The following TENM4 variants were observed in gnomAD, a reference collection of about 807,000 sequenced individuals.
The protein encoded by TENM4 is teneurin-4.
Under a neutral mutation model 243.3 loss-of-function variants are expected in TENM4, and 82 were observed. The ratio of observed to expected loss-of-function variants is 0.34; its 90% CI spans 0.28 to 0.40. The LOEUF is 0.40. Ranked by LOEUF, TENM4 falls within the 10% of genes least tolerant of loss-of-function variation. The probability of loss-of-function intolerance (pLI) is 1.00; values close to 1 mark genes in which losing one functional copy is unlikely to be tolerated. For synonymous variants in TENM4, 1,412 were observed against 1,456.3 expected (o/e 0.97, Z 0.69); for missense variants, 3,138 against 3,673.3 (o/e 0.85, Z 3.77).
At chr11:78,800,384 G>T (rs545737218) in intron 15 of TENM4, among the ~76,000 whole-genome samples, 1 of 152,130 alleles carries the variant, frequency 6.6e-6, no homozygotes, top group Non-Finnish European at 1.5e-5. Context: ...CTGGCACTGC[G>T]CATGAAACTA....
intron 6 of TENM4, among the ~76,000 whole-genome samples, chr11:79,007,892 T>A (rs1858534336): frequency 6.6e-6 from 1 of 152,178 alleles, no homozygotes; most frequent in South Asian, 2.1e-4. Context: ...AGTTCTGCCC[T>A]GGATCCCTGT....
intron 6 of TENM4, among the ~76,000 whole-genome samples, chr11:78,910,948 C>T (rs1856171233): frequency 6.6e-6 from 1 of 152,206 alleles, no homozygotes; most frequent in South Asian, 2.1e-4. Flanking sequence ...TCCCTGGCTC[C>T]CCTTCCAGTA....
intron 4 of TENM4, among the ~76,000 whole-genome samples, chr11:79,073,742 G>A (rs1440016832): frequency 6.6e-6 from 1 of 152,072 alleles, no homozygotes; most frequent in South Asian, 2.1e-4. Context: ...AACCTCTTAG[G>A]GTTGTTTTGA....
At chr11:79,125,973 G>A (rs1382246448) in intron 4 of TENM4, among the ~76,000 whole-genome samples, 4 of 152,138 alleles carry the variant, frequency 2.6e-5, no homozygotes, top group African/African-American at 7.2e-5. Context: ...GCATGGGAAC[G>A]GATATTAAGG....
intron 4 of TENM4, among the ~76,000 whole-genome samples, chr11:79,133,506 G>A (rs1862050959): frequency 6.6e-6 from 1 of 152,036 alleles, no homozygotes; most frequent in Non-Finnish European, 1.5e-5. Flanking sequence ...ATTCTATGAA[G>A]CCAGCACCAC....
chr11:79,343,075 C>G (rs148659500), intron 1 of TENM4, among the ~76,000 whole-genome samples: 144 of 152,348 alleles, frequency 9.5e-4, no homozygotes, highest in African/African-American at 3.2e-3. Flanking sequence ...GCAGCTCACC[C>G]TGAGCATCAG....
At chr11:78,767,956 C>G (rs532375040) in intron 18 of TENM4, among the ~76,000 whole-genome samples, 1 of 152,340 alleles carries the variant, frequency 6.6e-6, no homozygotes, top group African/African-American at 2.4e-5. Context: ...TTGTAGATAG[C>G]ATGAGCCCTA....
At chr11:78,862,258 T>G (rs1410100195) in intron 10 of TENM4, among the ~76,000 whole-genome samples, 2 of 152,172 alleles carry the variant, frequency 1.3e-5, no homozygotes, top group African/African-American at 4.8e-5. Flanking sequence ...TACCATTTAC[T>G]GGCTGTGTGA....
chr11:79,151,610 G>C (rs1021546219), intron 3 of TENM4, among the ~76,000 whole-genome samples: 1 of 152,056 alleles, frequency 6.6e-6, no homozygotes, highest in Non-Finnish European at 1.5e-5. Flanking sequence ...TACTAAACTA[G>C]ATCTGTCCAA....
At chr11:78,705,636 T>C (rs899557976) in intron 27 of TENM4, among the ~76,000 whole-genome samples, 1 of 152,204 alleles carries the variant, frequency 6.6e-6, no homozygotes, top group African/African-American at 2.4e-5. Flanking sequence ...TGTGCCTTTA[T>C]TAAAGCACTT....
At chr11:78,740,657 T>C (rs534234048) in intron 19 of TENM4, among the ~76,000 whole-genome samples, 1 of 152,336 alleles carries the variant, frequency 6.6e-6, no homozygotes, top group African/African-American at 2.4e-5. Context: ...TTCCAGAGAA[T>C]TACTGACAGA....
chr11:78,892,615 T>C (rs1054731356), intron 7 of TENM4, among the ~76,000 whole-genome samples: 5 of 152,242 alleles, frequency 3.3e-5, no homozygotes, highest in Non-Finnish European at 4.4e-5. Flanking sequence ...TATTAAGGGC[T>C]ATACAAATAT....
At position 78,903,618 on chromosome 11, in the gene TENM4, G is replaced by C. The variant is rs1023423900; in HGVS notation, c.494-95C>G. 5.9e-6 allele frequency: 9 copies of C among 1,516,154 alleles called. No homozygotes were observed. In the African/African-American group the frequency reaches 1.1e-4, roughly 19 times the overall value. 93.9% of individuals were successfully genotyped at this position (1,516,154 alleles called of 1,614,324 possible). On this transcript the variant is annotated intron_variant, in intron 6 of 33. Coordinates refer to ENST00000278550, the MANE Select transcript of TENM4 (RefSeq NM_001098816.3). ...GAGGTCTGAGCAAGACCACAGAAGA[G>C]GGAGCCGGCAGATTATACATATTGA...
intron 2 of TENM4, among the ~76,000 whole-genome samples, chr11:79,228,209 G>A (rs532947306): frequency 2.0e-5 from 3 of 152,266 alleles, no homozygotes; most frequent in South Asian, 2.1e-4. Flanking sequence ...CAGGCCCCTC[G>A]GGTGGTGGGC....
At chr11:78,708,955 C>G (rs1318968702) in intron 26 of TENM4, among the ~76,000 whole-genome samples, 2 of 121,122 alleles carry the variant, frequency 1.7e-5, no homozygotes, top group Admixed American at 1.7e-4. Context: ...TTTTTCTTTT[C>G]TTTCTTTTTC....
intron 1 of TENM4, among the ~76,000 whole-genome samples, chr11:79,380,932 G>C (rs1483747807): frequency 6.6e-6 from 1 of 152,062 alleles, no homozygotes. Context: ...TCTCAATCTT[G>C]GTTTCTCAAC....
At chr11:78,932,543 C>T (rs990610455) in intron 6 of TENM4, among the ~76,000 whole-genome samples, 6 of 152,184 alleles carry the variant, frequency 3.9e-5, no homozygotes, top group African/African-American at 1.4e-4. Flanking sequence ...AAAGGAAGCA[C>T]TAACACTGAT....
At position 78,964,056 on chromosome 11, in the gene TENM4, TTC is replaced by T. The variant is rs200399744; in HGVS notation, c.494-60535_494-60534del. Among the ~76,000 whole-genome samples the T allele has an allele frequency of 2.9e-3, 409 of 139,728 alleles. 4 individuals are homozygous for T. The highest frequency in any genetic ancestry group is 0.012 in the African/African-American group (394 of 33,834). 91.7% of individuals were successfully genotyped at this position (139,728 alleles called of 152,430 possible). On this transcript the variant is annotated intron_variant, in intron 6 of 33. Coordinates refer to ENST00000278550, the MANE Select transcript of TENM4 (RefSeq NM_001098816.3). The stretch of plus-strand genomic sequence containing the variant: ...CCAGACTTTTTTTTTTTTTTTTTTT[TTC>T]CCCTAGATGGAGTCTTGCTCTGTCG...
chr11:79,267,165 C>T (rs966597973), intron 2 of TENM4, among the ~76,000 whole-genome samples: 4 of 152,148 alleles, frequency 2.6e-5, no homozygotes, highest in African/African-American at 9.7e-5. Flanking sequence ...TGAATCTTGT[C>T]AGTTCTAATT....
Sources: gnomAD v4.1 joint callset for allele counts (sites outside exome capture counted in the v4.1 genomes callset) on GRCh38, gnomAD v4.1.1 for gene constraint, MANE v1.5 for transcripts, NCBI Gene and HGNC (gene_info 2026-07-23, HGNC 2026-07-21) for gene names.